CCNYL1: variants seen among roughly 807,000 people sequenced by gnomAD.
The protein encoded by CCNYL1 is cyclin-Y-like protein 1.
CCNYL1 carries 16 observed loss-of-function variants against 44.2 expected under a neutral mutation model. The observed-to-expected ratio is 0.36, with a 90% confidence interval of 0.25 to 0.55. CCNYL1 has a LOEUF of 0.55. CCNYL1 is among the 20% of genes least tolerant of loss of function. CCNYL1 has a pLI of 0.85. For missense variants in CCNYL1, 348 were observed against 451.8 expected, an observed-to-expected ratio of 0.77 and a Z score of 2.08; for synonymous variants, 159 against 163.2, an observed-to-expected ratio of 0.97 and a Z score of 0.20.
chr2:207,751,191 T>A, intron 9 of CCNYL1, 72 bp downstream of exon 9: 2 of 1,329,650 alleles, frequency 1.5e-6, no homozygotes, highest in Non-Finnish European at 2.1e-6. Flanking sequence ...TAAATCATAT[T>A]AAGTAGTGAT....
At position 207,747,083 on chromosome 2, in the gene CCNYL1, G is replaced by A. The variant is rs775500299; in HGVS notation, c.676G>A (p.Asp226Asn). The part of the protein sequence containing the change: ...LERLLTYAEI[D>N]ICPTNWKRIV... ...AAGGCTTTTAACTTATGCTGAAATC[G>A]ACATTTGTCCCACCAACTGGAAAAG... Residue 226 changes from aspartate to asparagine, a missense_variant, in exon 8 of 10, where the codon GAC becomes AAC. Transcript: ENST00000295414. The A allele has an allele frequency of 1.2e-6, 2 of 1,613,840 alleles. No homozygotes were observed. The highest frequency in any genetic ancestry group is 2.2e-5 in the East Asian group (1 of 44,864).
At chr2:207,718,691 G>A (rs1471481194) in intron 1 of CCNYL1, among the ~76,000 whole-genome samples, 1 of 152,170 alleles carries the variant, frequency 6.6e-6, no homozygotes, top group African/African-American at 2.4e-5. Context: ...ACATTCTTTG[G>A]TGTGGCTGCG....
chr2:207,755,663 T>A lies in CCNYL1; in HGVS notation c.*1965T>A, dbSNP rs1433566247. On this transcript the variant is annotated 3_prime_UTR_variant, in exon 10 of 10. Transcript: ENST00000295414. ...GGTGATATGAACAGCTGTTTTATCA[T>A]CCTACATGCTACCAAGCTGTAGGTG... 6.6e-6 allele frequency: 1 copy of A among 152,238 alleles called. No homozygotes were observed. The highest frequency in any genetic ancestry group is 2.4e-5 in the African/African-American group (1 of 41,460). The allele number at this position is 152,238 out of a possible 1,614,324, so 9.4% of individuals were successfully genotyped here. A position where few individuals can be genotyped will look rare whatever the true frequency, so the allele number is the denominator to read the frequency against.
chr2:207,732,506 T>C (rs2091735900), intron 3 of CCNYL1, among the ~76,000 whole-genome samples: 1 of 152,236 alleles, frequency 6.6e-6, no homozygotes, highest in Non-Finnish European at 1.5e-5. Flanking sequence ...CTGTCTTTCA[T>C]GTATATGTGT....
Position 207,718,323 on chromosome 2 carries a change from A to G in CCNYL1, c.220+6207A>G, listed in dbSNP as rs139422656. ...CAGGAGTGGGCTGGGACTAGCCTGG[A>G]CAACGTGCTGAGACCCTGCCTCTAC... On this transcript the variant is annotated intron_variant, in intron 1 of 9. Transcript: ENST00000295414. 5.1e-3 allele frequency among the ~76,000 whole-genome samples: 777 copies of G among 152,188 alleles called. 7 individuals are homozygous for G. Among genetic ancestry groups the G allele is most frequent in the African/African-American group, 0.017 (723 of 41,534 alleles).
At chr2:207,715,862 G>A (rs1559163581) in intron 1 of CCNYL1, among the ~76,000 whole-genome samples, 3 of 151,082 alleles carry the variant, frequency 2.0e-5, no homozygotes, top group Admixed American at 6.6e-5. Context: ...GTTTTTAGTA[G>A]AGATGGTTTC....
intron 8 of CCNYL1, among the ~76,000 whole-genome samples, chr2:207,749,096 A>G (rs941549628): frequency 6.6e-6 from 1 of 152,206 alleles, no homozygotes; most frequent in East Asian, 1.9e-4. Context: ...GGAAATGTGC[A>G]GGTTTCTACA....
Position 207,747,085 on chromosome 2 carries a change from CA to C in CCNYL1, c.679del (p.Ile227PhefsTer43). ...ERLLTYAEIDICPTNWKRIVL... is the reference protein window; with the variant it reads ...ERLLTYAEIDXCPTNWKRIVL... The stretch of plus-strand genomic sequence containing the variant: ...GGCTTTTAACTTATGCTGAAATCGA[CA>C]TTTGTCCCACCAACTGGAAAAGGAT... On this transcript the variant is annotated frameshift_variant, in exon 8 of 10. Coordinates refer to ENST00000295414, the MANE Select transcript of CCNYL1 (RefSeq NM_001330218.2). LOFTEE classifies it high-confidence loss of function. 6.2e-7 allele frequency: 1 copy of C among 1,613,848 alleles called. No individual in the cohort carries two copies. Among genetic ancestry groups the C allele is most frequent in the Non-Finnish European group, 8.5e-7 (1 of 1,179,944 alleles).
chr2:207,723,590 G>C (rs1395220522), intron 1 of CCNYL1, among the ~76,000 whole-genome samples: 1 of 151,952 alleles, frequency 6.6e-6, no homozygotes, highest in Non-Finnish European at 1.5e-5. Flanking sequence ...AATGGACCTT[G>C]CTGGGCTGGG....
intron 9 of CCNYL1, 116 bp downstream of exon 9, chr2:207,751,235 C>A: frequency 2.3e-6 from 2 of 862,566 alleles, no homozygotes; most frequent in Non-Finnish European, 1.8e-6. Flanking sequence ...TTAACTAACA[C>A]TGAAGAGCTT....
chr2:207,746,332 T>C (rs1397925735), intron 7 of CCNYL1, among the ~76,000 whole-genome samples: 1 of 152,240 alleles, frequency 6.6e-6, no homozygotes, highest in Non-Finnish European at 1.5e-5. Flanking sequence ...TCAGTATTAC[T>C]TGGGTTTTAC....
chr2:207,753,729 G>T lies in CCNYL1; in HGVS notation c.*31G>T, dbSNP rs1429786255. The T allele has an allele frequency of 3.0e-6, 4 of 1,348,560 alleles. No homozygotes were observed. In the South Asian group the frequency reaches 4.8e-5, roughly 16 times the overall value. The allele number at this position is 1,348,560 out of a possible 1,614,324, so 83.5% of individuals were successfully genotyped here. On this transcript the variant is annotated 3_prime_UTR_variant, in exon 10 of 10. Coordinates refer to ENST00000295414, the MANE Select transcript of CCNYL1 (RefSeq NM_001330218.2). ...GAAATGAGGGGTTATAACGTCATGG[G>T]ACCTTCATCTACAAAGACTGGAGAA...
chr2:207,741,512 A>AG (rs1394718928), intron 6 of CCNYL1, among the ~76,000 whole-genome samples: 1 of 152,180 alleles, frequency 6.6e-6, no homozygotes, highest in Non-Finnish European at 1.5e-5. Flanking sequence ...AATTATTTTA[A>AG]GGGGTACATG....
At chr2:207,751,854 CAAA>C (rs147183127) in intron 9 of CCNYL1, among the ~76,000 whole-genome samples, 7 of 94,518 alleles carry the variant, frequency 7.4e-5, no homozygotes, top group South Asian at 3.2e-4. Context: ...AACTCCATCT[CAAA>C]AAAAAAAAAA....
chr2:207,753,694 CTT>C lies in CCNYL1; in HGVS notation c.1077_1078del (p.Ter360LysfsTer31). 6.2e-7 allele frequency: 1 copy of C among 1,600,914 alleles called. No individual in the cohort carries two copies. On this transcript the variant is annotated frameshift_variant and stop_lost, in exon 10 of 10. Coordinates refer to ENST00000295414, the MANE Select transcript of CCNYL1 (RefSeq NM_001330218.2). LOFTEE classifies it high-confidence loss of function. ...ATTCAGCGCTCTAAAGCCATCCTCT[CTT>C]AAAAGGAGAAATGAGGGGTTATAAC...
chr2:207,744,927 C>T (rs1195815605), intron 7 of CCNYL1, among the ~76,000 whole-genome samples: 1 of 152,128 alleles, frequency 6.6e-6, no homozygotes, highest in Non-Finnish European at 1.5e-5. Flanking sequence ...TGTGGGATAA[C>T]TTGAATGTAG....
At chr2:207,744,652 G>A (rs965642669) in intron 7 of CCNYL1, among the ~76,000 whole-genome samples, 35 of 152,024 alleles carry the variant, frequency 2.3e-4, no homozygotes, top group African/African-American at 8.2e-4. Flanking sequence ...TTACAAGTGT[G>A]AGCCACTGCG....
At chr2:207,718,909 A>G (rs1215661655) in intron 1 of CCNYL1, among the ~76,000 whole-genome samples, 1 of 152,182 alleles carries the variant, frequency 6.6e-6, no homozygotes, top group Admixed American at 6.5e-5. Flanking sequence ...ATTGGAAATA[A>G]TATGTCTAGT....
chr2:207,715,464 C>A (rs2091586783), intron 1 of CCNYL1, among the ~76,000 whole-genome samples: 1 of 144,712 alleles, frequency 6.9e-6, no homozygotes, highest in Non-Finnish European at 1.5e-5. Context: ...AGTGCAACCT[C>A]TTCCTCCCGT....
Sources: allele counts gnomAD v4.1 joint callset (sites outside exome capture counted in the v4.1 genomes callset), GRCh38; gene constraint gnomAD v4.1.1; transcripts MANE v1.5; gene names NCBI Gene and HGNC (gene_info 2026-07-23, HGNC 2026-07-21).